The following ZNG1E variants were observed in gnomAD, a reference collection of about 807,000 sequenced individuals.
The protein encoded by ZNG1E is zinc-regulated GTPase metalloprotein activator 1E.
the ZNG1E span, among the ~76,000 whole-genome samples, chr9:65,665,526 G>A: frequency 3.3e-5 from 5 of 152,070 alleles, no homozygotes; most frequent in African/African-American, 1.2e-4. Context: ...GAGAACCTCT[G>A]CTAGGGCAGT....
chr9:65,667,929 G>A, the ZNG1E span, among the ~76,000 whole-genome samples: 2 of 139,664 alleles, frequency 1.4e-5, no homozygotes, highest in Non-Finnish European at 3.1e-5. Flanking sequence ...CTTGGAGGCA[G>A]AGGTTGCAGT....
At chr9:65,677,636 C>T in the ZNG1E span, among the ~76,000 whole-genome samples, 1 of 152,258 alleles carries the variant, frequency 6.6e-6, no homozygotes, top group Non-Finnish European at 1.5e-5. Context: ...GCATGTTAGC[C>T]TTAATGATCT....
At chr9:65,660,628 G>A in the ZNG1E span, among the ~76,000 whole-genome samples, 2 of 151,830 alleles carry the variant, frequency 1.3e-5, no homozygotes, top group African/African-American at 4.8e-5. Flanking sequence ...CAAGTGTCCA[G>A]AAAGGCTAGA....
chr9:65,710,110 G>A, the ZNG1E span, among the ~76,000 whole-genome samples: 11 of 145,940 alleles, frequency 7.5e-5, no homozygotes, highest in African/African-American at 2.9e-4. Context: ...GCCAGTGATG[G>A]TGAGCATTTT....
chr9:65,675,357 G>A, the ZNG1E span, among the ~76,000 whole-genome samples: 146,794 of 149,158 alleles, frequency 0.98, 72,217 homozygotes, highest in East Asian at 1. Context: ...AAATAATGAG[G>A]AAAAAGTAAA....
chr9:65,684,548 A>ACACGCACACGCACG, the ZNG1E span, among the ~76,000 whole-genome samples: 1 of 66,762 alleles, frequency 1.5e-5, no homozygotes, highest in Non-Finnish European at 4.7e-5. Context: ...ACACACACGC[A>ACACGCACACGCACG]CGCACACACA....
chr9:65,699,078 A>ATTTT, the ZNG1E span, among the ~76,000 whole-genome samples: 1 of 147,962 alleles, frequency 6.8e-6, no homozygotes, highest in Non-Finnish European at 1.5e-5. Context: ...TATTTTATTT[A>ATTTT]TTTTATTTTA....
chr9:65,674,756 G>A, the ZNG1E span, among the ~76,000 whole-genome samples: 1 of 150,024 alleles, frequency 6.7e-6, no homozygotes, highest in South Asian at 2.1e-4. Context: ...AAAAATAATT[G>A]TGCATTTTCT....
chr9:65,714,837 A>T, the ZNG1E span, among the ~76,000 whole-genome samples: 14 of 152,074 alleles, frequency 9.2e-5, no homozygotes, highest in Admixed American at 2.6e-4. Context: ...TGCGGAGGTT[A>T]CTGCTGTCTT....
the ZNG1E span, among the ~76,000 whole-genome samples, chr9:65,657,910 G>A: frequency 6.6e-6 from 1 of 151,790 alleles, no homozygotes; most frequent in Non-Finnish European, 1.5e-5. Context: ...AGACCAGCCT[G>A]ACTAACATGG....
At chr9:65,684,112 TCTTG>T in the ZNG1E span, among the ~76,000 whole-genome samples, 1 of 152,200 alleles carries the variant, frequency 6.6e-6, no homozygotes, top group Non-Finnish European at 1.5e-5. Context: ...TGTTAATGTT[TCTTG>T]CTTCTAACTT....
chr9:65,673,591 T>A, the ZNG1E span, among the ~76,000 whole-genome samples: 2 of 152,220 alleles, frequency 1.3e-5, no homozygotes, highest in East Asian at 3.8e-4. Flanking sequence ...TTGTTAGAGA[T>A]GAGACTTTAG....
chr9:65,715,570 AC>A, the ZNG1E span, among the ~76,000 whole-genome samples: 1 of 137,484 alleles, frequency 7.3e-6, no homozygotes, highest in African/African-American at 2.9e-5. Context: ...CATGAGATCT[AC>A]CCTCTTAACA....
the ZNG1E span, among the ~76,000 whole-genome samples, chr9:65,684,065 C>G: frequency 1.3e-5 from 2 of 152,310 alleles, no homozygotes; most frequent in Admixed American, 1.3e-4. Context: ...CTAAAGATCA[C>G]AGAGAAAGCT....
At chr9:65,727,383 G>A in the ZNG1E span, among the ~76,000 whole-genome samples, 1 of 144,704 alleles carries the variant, frequency 6.9e-6, no homozygotes, top group Non-Finnish European at 1.5e-5. Flanking sequence ...ATGATGAATA[G>A]AGTGGTACCT....
At chr9:65,710,741 T>C in the ZNG1E span, among the ~76,000 whole-genome samples, 1 of 149,782 alleles carries the variant, frequency 6.7e-6, no homozygotes, top group South Asian at 2.1e-4. Context: ...AGTACCATGC[T>C]GTTTTGGTTA....
the ZNG1E span, among the ~76,000 whole-genome samples, chr9:65,722,806 G>C: frequency 1.2e-5 from 1 of 83,154 alleles, no homozygotes; most frequent in Non-Finnish European, 2.1e-5. Context: ...CACCTGCTTC[G>C]GCCTCCCAAA....
chr9:65,655,553 T>G, the ZNG1E span, among the ~76,000 whole-genome samples: 1 of 152,306 alleles, frequency 6.6e-6, no homozygotes, highest in Non-Finnish European at 1.5e-5. Flanking sequence ...CTCTGCCTCC[T>G]GGGTTCAAGC....
chr9:65,717,516 A>C, the ZNG1E span, among the ~76,000 whole-genome samples: 2 of 149,604 alleles, frequency 1.3e-5, no homozygotes, highest in East Asian at 3.9e-4. Flanking sequence ...TTTGACTATC[A>C]GTGCTGTTCA....
Sources: allele counts gnomAD v4.1 joint callset (sites outside exome capture counted in the v4.1 genomes callset), GRCh38; gene constraint gnomAD v4.1.1; transcripts MANE v1.5; gene names NCBI Gene and HGNC (gene_info 2026-07-23, HGNC 2026-07-21).